Variants in KCND2 observed in about 807,000 individuals in gnomAD.
The protein encoded by KCND2 is potassium voltage-gated channel subfamily D member 2.
KCND2 carries 16 observed loss-of-function variants against 54.4 expected under a neutral mutation model. That is an observed-to-expected ratio of 0.29 (90% confidence interval 0.20 to 0.45). The LOEUF is 0.45. Ranked by LOEUF, KCND2 falls within the 20% of genes least tolerant of loss-of-function variation. The pLI, the probability that KCND2 is intolerant of heterozygous loss-of-function variation, is 1.00. For missense variants in KCND2, 486 were observed against 824.2 expected (o/e 0.59, Z 5.02); for synonymous variants, 317 against 310.7 (o/e 1.02, Z -0.21).
At chr7:120,502,155 C>T (rs1466664742) in intron 1 of KCND2, among the ~76,000 whole-genome samples, 3 of 152,072 alleles carry the variant, frequency 2.0e-5, no homozygotes, top group South Asian at 2.1e-4. Flanking sequence ...GTAGCAAACT[C>T]GGTCCCATAT....
At chr7:120,701,294 T>C (rs1010141446) in intron 1 of KCND2, among the ~76,000 whole-genome samples, 7 of 145,924 alleles carry the variant, frequency 4.8e-5, no homozygotes, top group African/African-American at 1.8e-4. Flanking sequence ...TCTAGTTCTG[T>C]TACTAAGGAA....
At chr7:120,662,636 T>C (rs144286547) in intron 1 of KCND2, among the ~76,000 whole-genome samples, 1 of 152,302 alleles carries the variant, frequency 6.6e-6, no homozygotes, top group East Asian at 1.9e-4. Context: ...GTTTTTTTGG[T>C]TCCTAAATAA....
intron 1 of KCND2, among the ~76,000 whole-genome samples, chr7:120,319,408 T>G (rs972231863): frequency 6.6e-6 from 1 of 152,218 alleles, no homozygotes. Flanking sequence ...ACATATACTT[T>G]CTATATTAGA....
At chr7:120,334,772 C>T (rs991351667) in intron 1 of KCND2, among the ~76,000 whole-genome samples, 1 of 152,128 alleles carries the variant, frequency 6.6e-6, no homozygotes, top group South Asian at 2.1e-4. Flanking sequence ...TTTGCATCAC[C>T]CCCAGGACAC....
chr7:120,684,337 A>G (rs1792175420), intron 1 of KCND2, among the ~76,000 whole-genome samples: 1 of 152,216 alleles, frequency 6.6e-6, no homozygotes, highest in African/African-American at 2.4e-5. Context: ...GTTATTTTCA[A>G]TGAAGACAAG....
chr7:120,587,435 A>ATAGT (rs1244196521), intron 1 of KCND2, among the ~76,000 whole-genome samples: 1 of 152,196 alleles, frequency 6.6e-6, no homozygotes, highest in Non-Finnish European at 1.5e-5. Context: ...AGGCAGCTAT[A>ATAGT]TAGTATTCTT....
At position 120,732,889 on chromosome 7, in the gene KCND2, T is replaced by A. The variant is rs184667978; in HGVS notation, c.1116-14T>A. ...GACTTAAAACAATATATATATATTT[T>A]TTCTTTAACTCAGGTATGGTGACAT... On this transcript the variant is annotated splice_polypyrimidine_tract_variant and intron_variant, in intron 1 of 5. Transcript: ENST00000331113. 3.9e-5 allele frequency: 62 copies of A among 1,607,446 alleles called. No individual in the cohort carries two copies. The Admixed American group carries it at 6.5e-4, about 17-fold the overall frequency.
intron 1 of KCND2, among the ~76,000 whole-genome samples, chr7:120,520,413 A>C (rs879354355): frequency 6.6e-6 from 1 of 152,188 alleles, no homozygotes; most frequent in Non-Finnish European, 1.5e-5. Context: ...CACTGTATCT[A>C]TATGTATGAG....
At chr7:120,334,236 C>T (rs1800111810) in intron 1 of KCND2, among the ~76,000 whole-genome samples, 1 of 152,060 alleles carries the variant, frequency 6.6e-6, no homozygotes, top group South Asian at 2.1e-4. Flanking sequence ...ATTCAACTAT[C>T]AAATAGAAGT....
intron 1 of KCND2, among the ~76,000 whole-genome samples, chr7:120,595,517 A>ATGTGTATATATATGTATATGTGTGTG (rs1792730919): frequency 1.4e-5 from 2 of 143,708 alleles, no homozygotes; most frequent in Non-Finnish European, 1.5e-5. Flanking sequence ...GTGTATATAT[A>ATGTGTATATATATGTATATGTGTGTG]TGTATATATA....
intron 1 of KCND2, among the ~76,000 whole-genome samples, chr7:120,509,434 A>T (rs1488273448): frequency 6.6e-6 from 1 of 152,074 alleles, no homozygotes; most frequent in Admixed American, 6.6e-5. Context: ...CAATTCTAAA[A>T]TGAAAAGTGC....
rs995179430 is a variant in KCND2, at chr7:120,418,395, C to CA, written c.1115+142657dup. On this transcript the variant is annotated intron_variant, in intron 1 of 5. Coordinates refer to ENST00000331113, the MANE Select transcript of KCND2 (RefSeq NM_012281.3). ...CATAAGAAGAAATTATTTTGAAATA[C>CA]AAAAAAAAAGAAAACAATGAAAATG... Among the ~76,000 whole-genome samples the CA allele has an allele frequency of 1.3e-3, 201 of 150,794 alleles. 2 individuals carry two copies. Among genetic ancestry groups the CA allele is most frequent in the South Asian group, 8.0e-3 (38 of 4,744 alleles).
intron 1 of KCND2, among the ~76,000 whole-genome samples, chr7:120,637,052 A>G (rs1350215357): frequency 2.0e-5 from 3 of 152,122 alleles, no homozygotes; most frequent in Non-Finnish European, 4.4e-5. Context: ...TTCAACAGGC[A>G]TACATTGTGT....
rs114973146 is a variant in KCND2, at chr7:120,277,436, G to A, written c.1115+1689G>A. Among the ~76,000 whole-genome samples, 539 of 152,100 alleles carry A rather than the reference G, an allele frequency of 3.5e-3. 1 individual carries two copies. The highest frequency in any genetic ancestry group is 0.012 in the African/African-American group (486 of 41,554). Reference sequence around the variant, plus strand: ...GGGTAGTGCAAATCACCATCATGACGTCAAATTAGAAGTACACTTGAATAA... The same window carrying A: ...GGGTAGTGCAAATCACCATCATGACATCAAATTAGAAGTACACTTGAATAA... On this transcript the variant is annotated intron_variant, in intron 1 of 5. Coordinates refer to ENST00000331113, the MANE Select transcript of KCND2 (RefSeq NM_012281.3).
chr7:120,513,618 G>C (rs546873853), intron 1 of KCND2, among the ~76,000 whole-genome samples: 63 of 152,118 alleles, frequency 4.1e-4, no homozygotes, highest in Admixed American at 7.2e-4. Flanking sequence ...ACTATATAAA[G>C]ATATGAAAAA....
intron 1 of KCND2, among the ~76,000 whole-genome samples, chr7:120,347,309 A>G (rs1800334056): frequency 1.3e-5 from 2 of 152,168 alleles, no homozygotes. Flanking sequence ...CAGACTGTGT[A>G]TATATAGTTA....
intron 1 of KCND2, among the ~76,000 whole-genome samples, chr7:120,619,781 G>A (rs753889537): frequency 1.3e-5 from 2 of 152,110 alleles, no homozygotes; most frequent in African/African-American, 2.4e-5. Flanking sequence ...TCCTTAAAGC[G>A]CATTAGCCCA....
chr7:120,327,710 C>T (rs1462264118), intron 1 of KCND2, among the ~76,000 whole-genome samples: 1 of 151,412 alleles, frequency 6.6e-6, no homozygotes, highest in Non-Finnish European at 1.5e-5. Context: ...AAAGGAAGTA[C>T]ATTATAGTGC....
chr7:120,717,628 G>A (rs528082045), intron 1 of KCND2, among the ~76,000 whole-genome samples: 1 of 152,038 alleles, frequency 6.6e-6, no homozygotes, highest in East Asian at 1.9e-4. Flanking sequence ...AACCATTTCA[G>A]TATCATCATA....
Sources: gnomAD v4.1 joint callset for allele counts (sites outside exome capture counted in the v4.1 genomes callset) on GRCh38, gnomAD v4.1.1 for gene constraint, MANE v1.5 for transcripts, NCBI Gene and HGNC (gene_info 2026-07-23, HGNC 2026-07-21) for gene names.